PHYH: variants seen among roughly 807,000 people sequenced by gnomAD.
PHYH encodes phytanoyl-CoA dioxygenase, peroxisomal.
PHYH carries 32 observed loss-of-function variants against 38.5 expected under a neutral mutation model. The ratio of observed to expected loss-of-function variants is 0.83; its 90% CI spans 0.63 to 1.12. The LOEUF (loss-of-function observed/expected upper bound fraction) is 1.12, where lower values mean the gene tolerates loss of function less well. Ranked by LOEUF, PHYH falls within the 50% of genes most tolerant of loss-of-function variation. The probability of loss-of-function intolerance (pLI) is 0.00; values close to 1 mark genes in which losing one functional copy is unlikely to be tolerated. For synonymous variants in PHYH, 166 were observed against 157.9 expected (o/e 1.05, Z -0.38); for missense variants, 426 against 434.8 (o/e 0.98, Z 0.18).
At chr10:13,280,454 C>G (rs541275704) in intron 8 of PHYH, among the ~76,000 whole-genome samples, 2 of 152,144 alleles carry the variant, frequency 1.3e-5, no homozygotes, top group East Asian at 3.9e-4. Context: ...CCTTTCAACT[C>G]AGCCTTCGAG....
intron 8 of PHYH, among the ~76,000 whole-genome samples, chr10:13,280,290 T>C (rs369682914): frequency 2.0e-4 from 30 of 152,100 alleles, no homozygotes; most frequent in African/African-American, 6.7e-4. Context: ...TCTATATTAA[T>C]AAACATGGCC....
At chr10:13,290,453 G>A (rs1835679674) in intron 5 of PHYH, among the ~76,000 whole-genome samples, 4 of 152,098 alleles carry the variant, frequency 2.6e-5, no homozygotes, top group African/African-American at 9.7e-5. Flanking sequence ...CAAGGAGGGA[G>A]AGACCTGGTA....
chr10:13,277,895 G>GA lies in PHYH; in HGVS notation c.*405dup, dbSNP rs3839911. Reference sequence around the variant, plus strand: ...ATTATACATTGTTCTAGATTTGGGGGAAAAAAATCTCTTATGACATAAAAT... The same window carrying GA: ...ATTATACATTGTTCTAGATTTGGGGGAAAAAAAATCTCTTATGACATAAAAT... On this transcript the variant is annotated 3_prime_UTR_variant, in exon 9 of 9. Coordinates refer to ENST00000263038, the MANE Select transcript of PHYH (RefSeq NM_006214.4). 4 of 296,286 alleles carry GA rather than the reference G, an allele frequency of 1.4e-5. No homozygotes were observed. The highest frequency in any genetic ancestry group is 8.8e-5 in the East Asian group (1 of 11,332). The allele number at this position is 296,286 out of a possible 1,614,324, so 18.4% of individuals were successfully genotyped here. A position where few individuals can be genotyped will look rare whatever the true frequency, so the allele number is the denominator to read the frequency against.
At position 13,281,099 on chromosome 10, in the gene PHYH, G is replaced by A; in HGVS notation, c.840C>T (p.Cys280=). 2 of 1,614,168 alleles carry A rather than the reference G, an allele frequency of 1.2e-6. No individual in the cohort carries two copies. The highest frequency in any genetic ancestry group is 1.7e-5 in the Admixed American group (1 of 60,016). ...KTQGFRKAIS[C]HFASADCHYI... is the part of the protein sequence containing the mutation. ...AGTGGCAATCGGCACTGGCGAAATGGCAGGAAATTGCCTGTGCAAAGTGAA... is the reference window on the plus strand; with the variant it reads ...AGTGGCAATCGGCACTGGCGAAATGACAGGAAATTGCCTGTGCAAAGTGAA... The change falls in exon 8 of 9, where the codon TGC becomes TGT. Residue 280 remains cysteine (C), a synonymous_variant. Transcript: ENST00000263038.
intron 6 of PHYH, 125 bp downstream of exon 6, chr10:13,288,235 T>C: frequency 1.2e-6 from 1 of 865,636 alleles, no homozygotes; most frequent in Middle Eastern, 3.4e-4. Context: ...TCACTGCAAA[T>C]CTTAGGACAA....
At chr10:13,299,808 C>T (rs1832699383) in intron 1 of PHYH, 160 bp downstream of exon 1, 9 of 1,316,464 alleles carry the variant, frequency 6.8e-6, no homozygotes, top group South Asian at 2.0e-5. Context: ...TCCCCGGCTC[C>T]TGGAAGAGAC....
intron 6 of PHYH, among the ~76,000 whole-genome samples, chr10:13,285,628 G>C (rs1329985167): frequency 1.6e-5 from 2 of 126,138 alleles, no homozygotes; most frequent in Non-Finnish European, 3.3e-5. Context: ...TTTTTGAGAT[G>C]GAGTCTTGCT....
At chr10:13,278,776 C>T (rs981976816) in intron 8 of PHYH, among the ~76,000 whole-genome samples, 9 of 152,236 alleles carry the variant, frequency 5.9e-5, no homozygotes, top group Admixed American at 3.3e-4. Flanking sequence ...GTGATCTGTC[C>T]GCCTTGGCCT....
chr10:13,294,770 C>G, intron 3 of PHYH, 174 bp from the exon 4 acceptor site: 1 of 632,788 alleles, frequency 1.6e-6, no homozygotes, highest in Non-Finnish European at 2.8e-6. Context: ...TGGCTAGAAT[C>G]CATTCCCAGA....
Position 13,294,469 on chromosome 10 carries a change from G to A in PHYH, c.373C>T (p.Gln125Ter). 6.2e-7 allele frequency: 1 copy of A among 1,614,040 alleles called. No individual in the cohort carries two copies. Among genetic ancestry groups the A allele is most frequent in the African/African-American group, 1.3e-5 (1 of 74,982 alleles). The part of the protein sequence containing the change: ...EKMITKVQDF[Q>*]EDKELFRYCT... ...TATCTGAAGAGCTCCTTATCTTCCT[G>A]GAAATCCTGGACCTTCGTGATCATC... The change falls in exon 4 of 9, where the codon CAG (glutamine) becomes TAG (stop). Residue 125 changes from glutamine (Q) to a stop codon, truncating the protein, a stop_gained. Coordinates refer to ENST00000263038, the MANE Select transcript of PHYH (RefSeq NM_006214.4). LOFTEE classifies it high-confidence loss of function.
rs755838466 is a variant in PHYH, at chr10:13,288,414, CACA to C, written c.621_623del (p.Val208del). The C allele has an allele frequency of 3.4e-5, 55 of 1,614,044 alleles. No individual in the cohort carries two copies. Among genetic ancestry groups the C allele is most frequent in the Non-Finnish European group, 4.6e-5 (54 of 1,180,042 alleles). On this transcript the variant is annotated inframe_deletion, in exon 6 of 9. Coordinates refer to ENST00000263038, the MANE Select transcript of PHYH (RefSeq NM_006214.4). ...GGGAGCCCTTGTGTGTGCCTGGGAG[CACA>C]ACCAGACAGCCGTTGTTCCGGCTGA... is the stretch of plus-strand genomic sequence containing the variant.
At chr10:13,279,672 C>T (rs1377687060) in intron 8 of PHYH, among the ~76,000 whole-genome samples, 1 of 152,146 alleles carries the variant, frequency 6.6e-6, no homozygotes, top group Non-Finnish European at 1.5e-5. Context: ...TTACAGAGAA[C>T]TATGTAGCAG....
At chr10:13,293,585 C>A (rs1273450861) in intron 4 of PHYH, among the ~76,000 whole-genome samples, 1 of 151,950 alleles carries the variant, frequency 6.6e-6, no homozygotes, top group Non-Finnish European at 1.5e-5. Context: ...CAGGCATGAG[C>A]CACCGCGCCC....
intron 5 of PHYH, among the ~76,000 whole-genome samples, chr10:13,290,115 C>CAAAA (rs1172422242): frequency 2.1e-4 from 7 of 33,394 alleles, no homozygotes; most frequent in East Asian, 1.2e-3. Flanking sequence ...CTAAAAATAC[C>CAAAA]AAAAAAAAAA....
At chr10:13,297,226 A>G (rs1442467209) in intron 2 of PHYH, among the ~76,000 whole-genome samples, 1 of 152,118 alleles carries the variant, frequency 6.6e-6, no homozygotes, top group Non-Finnish European at 1.5e-5. Context: ...TAAATTGTAT[A>G]TTTTTAACTG....
At chr10:13,289,608 T>C (rs562129799) in intron 5 of PHYH, among the ~76,000 whole-genome samples, 2 of 152,206 alleles carry the variant, frequency 1.3e-5, no homozygotes, top group South Asian at 2.1e-4. Flanking sequence ...GGAGTCAAGT[T>C]TGAAATCCCC....
rs72781358 is a variant in PHYH, at chr10:13,295,699, G to A, written c.135-93C>T. 30,931 of 710,820 alleles carry A rather than the reference G, an allele frequency of 0.044. 819 individuals are homozygous for A. Among genetic ancestry groups the A allele is most frequent in the East Asian group, 0.076 (2,975 of 39,032 alleles). The allele number at this position is 710,820 out of a possible 1,614,324, so 44.0% of individuals were successfully genotyped here. A position where few individuals can be genotyped will look rare whatever the true frequency, so the allele number is the denominator to read the frequency against. ...ACCTCTAATACTAGCACTTTAGCGG[G>A]CCGAGGCAAGTGGATCACTTGAGGT... On this transcript the variant is annotated intron_variant, in intron 2 of 8. Transcript: ENST00000263038.
chr10:13,293,598 C>T (rs992665557), intron 4 of PHYH, among the ~76,000 whole-genome samples: 1 of 152,064 alleles, frequency 6.6e-6, no homozygotes, highest in Non-Finnish European at 1.5e-5. Context: ...CCGCGCCCGG[C>T]AGTTAGCTCA....
rs1039095805 is a variant in PHYH, at chr10:13,288,348, G to A, written c.678+12C>T. 3 of 1,612,842 alleles carry A rather than the reference G, an allele frequency of 1.9e-6. No individual in the cohort carries two copies. The highest frequency in any genetic ancestry group is 2.2e-5 in the East Asian group (1 of 44,872). On this transcript the variant is annotated intron_variant, in intron 6 of 8. Coordinates refer to ENST00000263038, the MANE Select transcript of PHYH (RefSeq NM_006214.4). ...AGATTCGGATCAAGACTCAGCCGCC[G>A]GGCAGACCTACCTCCCACTTGGGGT...
Sources: allele counts gnomAD v4.1 joint callset (sites outside exome capture counted in the v4.1 genomes callset), GRCh38; gene constraint gnomAD v4.1.1; transcripts MANE v1.5; gene names NCBI Gene and HGNC (gene_info 2026-07-23, HGNC 2026-07-21).